Variants in DNAJC5B observed in about 807,000 individuals in gnomAD.
The protein encoded by DNAJC5B is dnaJ homolog subfamily C member 5B.
Under a neutral mutation model 24.7 loss-of-function variants are expected in DNAJC5B, and 23 were observed. That is an observed-to-expected ratio of 0.93 (90% CI 0.67 to 1.32). The LOEUF (loss-of-function observed/expected upper bound fraction) is 1.32. Among genes scored for constraint, DNAJC5B ranks in the 40% most tolerant of loss-of-function variants. The pLI is 0.00. For synonymous variants in DNAJC5B, 101 were observed against 90.1 expected, an observed-to-expected ratio of 1.12 and a Z score of -0.68; for missense variants, 238 against 240.8, an observed-to-expected ratio of 0.99 and a Z score of 0.08.
At chr8:66,024,052 C>T (rs1806199238) in intron 1 of DNAJC5B, among the ~76,000 whole-genome samples, 1 of 152,196 alleles carries the variant, frequency 6.6e-6, no homozygotes, top group African/African-American at 2.4e-5. Flanking sequence ...TCATCAGCGC[C>T]ATCATTAACC....
At chr8:66,036,210 C>A (rs1332181918) in intron 1 of DNAJC5B, among the ~76,000 whole-genome samples, 2 of 152,190 alleles carry the variant, frequency 1.3e-5, no homozygotes, top group African/African-American at 4.8e-5. Context: ...CAGCAGCCCC[C>A]GGCAGCATTT....
chr8:66,044,292 A>G (rs7821284), intron 2 of DNAJC5B, among the ~76,000 whole-genome samples: 69,181 of 152,056 alleles, frequency 0.45, 20,081 homozygotes, highest in African/African-American at 0.83. Flanking sequence ...ATGACAAAGC[A>G]GCAAAACTTG....
chr8:66,076,753 T>TA lies in DNAJC5B; in HGVS notation c.214dup (p.Thr72AsnfsTer29), dbSNP rs1195242887. ...AAATCAACAACGCCCACGCAATACT[T>TA]ACCGACATTTCAAAGAGAAGCATAT... On this transcript the variant is annotated frameshift_variant, in exon 4 of 6. Transcript: ENST00000276570. LOFTEE classifies it high-confidence loss of function. 3 of 1,614,066 alleles carry TA rather than the reference T, an allele frequency of 1.9e-6. No homozygotes were observed. The highest frequency in any genetic ancestry group is 2.2e-5 in the South Asian group (2 of 91,086).
chr8:66,018,048 C>T (rs1016418647), upstream of DNAJC5B, among the ~76,000 whole-genome samples: 4 of 152,162 alleles, frequency 2.6e-5, no homozygotes, highest in African/African-American at 9.7e-5. Flanking sequence ...ACATTCTGTA[C>T]TACTATCGAG....
chr8:66,042,811 A>G (rs1280653581), intron 1 of DNAJC5B, among the ~76,000 whole-genome samples: 1 of 150,276 alleles, frequency 6.7e-6, no homozygotes, highest in African/African-American at 2.5e-5. Context: ...GTATCTAAAA[A>G]ACTCTCAACT....
At chr8:66,024,457 G>A (rs1340100987) in intron 1 of DNAJC5B, among the ~76,000 whole-genome samples, 1 of 135,228 alleles carries the variant, frequency 7.4e-6, no homozygotes, top group Non-Finnish European at 1.5e-5. Flanking sequence ...CTAAGTTTTA[G>A]GGTACATGTG....
chr8:66,020,594 CTGTGTGTGT>C (rs1806087488), upstream of DNAJC5B, among the ~76,000 whole-genome samples: 3 of 132,354 alleles, frequency 2.3e-5, no homozygotes, highest in African/African-American at 8.0e-5. Flanking sequence ...AATCAATACT[CTGTGTGTGT>C]GTGTGTGTGT....
intron 3 of DNAJC5B, among the ~76,000 whole-genome samples, chr8:66,068,330 T>A (rs988991232): frequency 1.4e-4 from 22 of 152,102 alleles, no homozygotes; most frequent in African/African-American, 2.2e-4. Flanking sequence ...AATTTTTTTT[T>A]AAAATCCTGA....
intron 3 of DNAJC5B, among the ~76,000 whole-genome samples, chr8:66,053,936 C>CTTTTTTTTTTT (rs60244347): frequency 7.2e-6 from 1 of 138,278 alleles, no homozygotes; most frequent in African/African-American, 2.7e-5. Flanking sequence ...GCCTACTACC[C>CTTTTTTTTTTT]TTTTTTTTTT....
chr8:66,044,600 C>A (rs1586076126), intron 2 of DNAJC5B, among the ~76,000 whole-genome samples: 1 of 152,072 alleles, frequency 6.6e-6, no homozygotes, highest in East Asian at 1.9e-4. Context: ...GGGGGTTGTA[C>A]CTTCTTTCAG....
At chr8:66,027,701 G>A (rs954088967) in intron 1 of DNAJC5B, among the ~76,000 whole-genome samples, 3 of 152,134 alleles carry the variant, frequency 2.0e-5, no homozygotes, top group Admixed American at 1.3e-4. Context: ...TTACGAGAGG[G>A]AAAGCCTTTT....
At chr8:66,055,939 A>G (rs1390725365) in intron 3 of DNAJC5B, among the ~76,000 whole-genome samples, 1 of 152,204 alleles carries the variant, frequency 6.6e-6, no homozygotes, top group Non-Finnish European at 1.5e-5. Context: ...ACAGAGTGAG[A>G]CTGTGTCTTG....
At position 66,100,528 on chromosome 8, in the gene DNAJC5B, G is replaced by A. The variant is rs1019410610; in HGVS notation, c.*497G>A. 3 of 152,084 alleles carry A rather than the reference G, an allele frequency of 2.0e-5. No homozygotes were observed. The highest frequency in any genetic ancestry group is 7.2e-5 in the African/African-American group (3 of 41,398). 9.4% of individuals were successfully genotyped at this position (152,084 alleles called of 1,614,324 possible). ...TAGAAATGTTTCAAGAGCCAGAAAG[G>A]GATGATTTTTTTTTAAATCACATTT... On this transcript the variant is annotated 3_prime_UTR_variant, in exon 6 of 6. Transcript: ENST00000276570.
At chr8:66,068,789 G>T (rs543302589) in intron 3 of DNAJC5B, among the ~76,000 whole-genome samples, 1 of 152,134 alleles carries the variant, frequency 6.6e-6, no homozygotes, top group African/African-American at 2.4e-5. Context: ...GCACATCACA[G>T]GAAAACTTCC....
At chr8:66,080,040 G>A (rs994283652) in intron 4 of DNAJC5B, among the ~76,000 whole-genome samples, 68 of 152,104 alleles carry the variant, frequency 4.5e-4, no homozygotes, top group Non-Finnish European at 1.2e-4. Context: ...AGGTTTTGTT[G>A]GTTGGTTTTT....
In DNAJC5B at chr8:66,100,086, G is replaced by C. The variant is rs1808042871; in HGVS notation, c.*55G>C. 1 of 1,517,176 alleles carries C rather than the reference G, an allele frequency of 6.6e-7. No homozygotes were observed. The highest frequency in any genetic ancestry group is 1.7e-5 in the Admixed American group (1 of 57,172). The allele number at this position is 1,517,176 out of a possible 1,614,324, so 94.0% of individuals were successfully genotyped here. On this transcript the variant is annotated 3_prime_UTR_variant, in exon 6 of 6. Transcript: ENST00000276570. The stretch of plus-strand genomic sequence containing the variant: ...TCCTCTCAGTTCAGTCTTGTCTCCA[G>C]ATGGTCGTAGGGGAGCGTGTGGGGC...
chr8:66,073,863 G>A (rs948330464), intron 3 of DNAJC5B, among the ~76,000 whole-genome samples: 2 of 152,132 alleles, frequency 1.3e-5, no homozygotes, highest in African/African-American at 2.4e-5. Context: ...GAAAGGAAAA[G>A]CTATAAAGAT....
chr8:66,092,154 G>A (rs1807861852), intron 5 of DNAJC5B, among the ~76,000 whole-genome samples: 1 of 152,166 alleles, frequency 6.6e-6, no homozygotes, highest in African/African-American at 2.4e-5. Context: ...CTTTAAAGTG[G>A]TTGGTTTTAA....
chr8:66,027,340 A>C (rs1315763185), intron 1 of DNAJC5B, among the ~76,000 whole-genome samples: 1 of 152,170 alleles, frequency 6.6e-6, no homozygotes, highest in Non-Finnish European at 1.5e-5. Flanking sequence ...TGGCCACCAT[A>C]ATACTTGGGG....
Sources: allele counts gnomAD v4.1 joint callset (sites outside exome capture counted in the v4.1 genomes callset), GRCh38; gene constraint gnomAD v4.1.1; transcripts MANE v1.5; gene names NCBI Gene and HGNC (gene_info 2026-07-23, HGNC 2026-07-21).